The following PLA2G5 variants were observed in gnomAD, a reference collection of about 807,000 sequenced individuals.
The protein encoded by PLA2G5 is phospholipase A2 group V, also known as Ca2+-dependent phospholipase A2.
PLA2G5 carries 12 observed loss-of-function variants against 15.9 expected under a neutral mutation model. The ratio of observed to expected loss-of-function variants is 0.76; its 90% CI spans 0.48 to 1.23. The LOEUF (loss-of-function observed/expected upper bound fraction) is 1.23, where lower values mean the gene tolerates loss of function less well. Ranked by LOEUF, PLA2G5 falls within the 50% of genes most tolerant of loss-of-function variation. The pLI, the probability that PLA2G5 is intolerant of heterozygous loss-of-function variation, is 0.00. For synonymous variants in PLA2G5, 71 were observed against 71.4 expected, an observed-to-expected ratio of 0.99 and a Z score of 0.03; for missense variants, 169 against 177.1, an observed-to-expected ratio of 0.95 and a Z score of 0.26.
At chr1:20,086,389 G>A (rs190933614) in intron 3 of PLA2G5, among the ~76,000 whole-genome samples, 162 bp downstream of exon 3, 1 of 152,314 alleles carries the variant, frequency 6.6e-6, no homozygotes, top group Admixed American at 6.5e-5. Context: ...GATCTCAGTG[G>A]CCTAAGGTGT....
intron 1 of PLA2G5, among the ~76,000 whole-genome samples, chr1:20,037,800 T>C (rs1290009331): frequency 6.6e-6 from 1 of 152,082 alleles, no homozygotes; most frequent in African/African-American, 2.4e-5. Context: ...ATGGGCGGGA[T>C]CATAGAGCTC....
chr1:20,068,451 G>A (rs1049646521), upstream of PLA2G5, among the ~76,000 whole-genome samples: 8 of 133,598 alleles, frequency 6.0e-5, no homozygotes, highest in East Asian at 1.6e-3. Flanking sequence ...AAAAGTGGTA[G>A]TTTTTTTTTT....
At chr1:20,038,957 A>G (rs946943263) in intron 1 of PLA2G5, among the ~76,000 whole-genome samples, 10 of 152,104 alleles carry the variant, frequency 6.6e-5, no homozygotes, top group Non-Finnish European at 1.5e-5. Flanking sequence ...TCCTCTTGGC[A>G]TCAGATCTGA....
At chr1:20,062,517 G>A (rs2014784752) in intron 2 of PLA2G5, among the ~76,000 whole-genome samples, 4 of 152,158 alleles carry the variant, frequency 2.6e-5, no homozygotes. Flanking sequence ...GAGCAGGCTG[G>A]GTGTGGCAGC....
intron 1 of PLA2G5, among the ~76,000 whole-genome samples, chr1:20,078,564 G>A (rs1306855561): frequency 6.6e-6 from 1 of 152,152 alleles, no homozygotes; most frequent in Non-Finnish European, 1.5e-5. Flanking sequence ...CCAGCCACAA[G>A]GGCAGCTCTG....
At chr1:20,044,271 G>A (rs1337810515) in intron 1 of PLA2G5, among the ~76,000 whole-genome samples, 1 of 152,170 alleles carries the variant, frequency 6.6e-6, no homozygotes, top group East Asian at 1.9e-4. Flanking sequence ...TTTTCTCACA[G>A]CAGAGGCAAG....
chr1:20,064,692 G>A (rs779209351), intron 2 of PLA2G5, among the ~76,000 whole-genome samples: 3 of 151,966 alleles, frequency 2.0e-5, no homozygotes, highest in Non-Finnish European at 2.9e-5. Flanking sequence ...CCAGGAGTTC[G>A]AGGCCAGCCT....
intron 1 of PLA2G5, among the ~76,000 whole-genome samples, chr1:20,053,574 G>GA (rs898814667): frequency 7.0e-6 from 1 of 143,230 alleles, no homozygotes; most frequent in East Asian, 2.2e-4. Context: ...ACTTTGCGGG[G>GA]GGGGGGGTGA....
intron 1 of PLA2G5, among the ~76,000 whole-genome samples, chr1:20,030,835 C>T (rs998411917): frequency 1.3e-5 from 2 of 152,212 alleles, no homozygotes; most frequent in Non-Finnish European, 2.9e-5. Flanking sequence ...AGCCCTAAAT[C>T]CATTAAACCT....
intron 1 of PLA2G5, among the ~76,000 whole-genome samples, chr1:20,042,659 G>A (rs2013673692): frequency 6.6e-6 from 1 of 152,098 alleles, no homozygotes. Flanking sequence ...TTTATGTAAT[G>A]GTTTAGTCAG....
chr1:20,038,809 T>G (rs917650149), intron 1 of PLA2G5, among the ~76,000 whole-genome samples: 2 of 152,118 alleles, frequency 1.3e-5, no homozygotes, highest in Admixed American at 1.3e-4. Flanking sequence ...GTAATAATAG[T>G]GGGCAACTAA....
At chr1:20,035,763 C>G (rs975258810) in intron 1 of PLA2G5, among the ~76,000 whole-genome samples, 1 of 152,102 alleles carries the variant, frequency 6.6e-6, no homozygotes, top group Non-Finnish European at 1.5e-5. Flanking sequence ...GTTTGTTGTG[C>G]TAGATGTTGC....
In PLA2G5 at chr1:20,086,159, A is replaced by G; in HGVS notation, c.117A>G (p.Thr39=). 6.2e-7 allele frequency: 1 copy of G among 1,614,140 alleles called. No homozygotes were observed. The highest frequency in any genetic ancestry group is 8.5e-7 in the Non-Finnish European group (1 of 1,180,006). The stretch of plus-strand genomic sequence containing the variant: ...AGGTGACAGGGAAGAACGCCCTGAC[A>G]AACTACGGCTTCTACGGCTGTTACT... The part of the protein sequence containing the change: ...IEKVTGKNAL[T]NYGFYGCYCG... The change falls in exon 3 of 5, where the codon ACA becomes ACG. Residue 39 remains threonine (T), a synonymous_variant. Transcript: ENST00000375108.
intron 2 of PLA2G5, among the ~76,000 whole-genome samples, chr1:20,060,730 T>C (rs1466509127): frequency 8.2e-6 from 1 of 122,574 alleles, no homozygotes; most frequent in Non-Finnish European, 1.6e-5. Context: ...CAAGTCTTTC[T>C]TTCTTTTCTT....
At chr1:20,090,495 A>G (rs1293170189) in intron 4 of PLA2G5, 73 bp from the exon 5 acceptor site, 2 of 1,524,534 alleles carry the variant, frequency 1.3e-6, no homozygotes, top group Middle Eastern at 1.8e-4. Context: ...CGGAGCAGGA[A>G]GTCCATGGGG....
chr1:20,039,670 GGA>G (rs142706440), intron 1 of PLA2G5, among the ~76,000 whole-genome samples: 137 of 148,886 alleles, frequency 9.2e-4, no homozygotes, highest in Middle Eastern at 3.5e-3. Context: ...GAGGGGAAGT[GGA>G]GAGAGAGAGA....
At chr1:20,028,439 A>T (rs924478149) in exon 1 of PLA2G5, 1 of 151,772 alleles carries the variant, frequency 6.6e-6, no homozygotes, top group Admixed American at 6.6e-5. Flanking sequence ...ATGGCGGGGG[A>T]CTTACAAAAT....
intron 3 of PLA2G5, among the ~76,000 whole-genome samples, chr1:20,088,656 T>C (rs376498707): frequency 2.9e-4 from 44 of 152,312 alleles, no homozygotes; most frequent in African/African-American, 1.1e-3. Flanking sequence ...AAACCTTTTA[T>C]ATGCAATCTG....
intron 2 of PLA2G5, among the ~76,000 whole-genome samples, chr1:20,062,774 G>A (rs1162668037): frequency 7.9e-5 from 12 of 152,170 alleles, no homozygotes; most frequent in Non-Finnish European, 1.8e-4. Flanking sequence ...GTGATGGACT[G>A]GATGAATAAA....
Sources: gnomAD v4.1 joint callset for allele counts (sites outside exome capture counted in the v4.1 genomes callset) on GRCh38, gnomAD v4.1.1 for gene constraint, MANE v1.5 for transcripts, NCBI Gene and HGNC (gene_info 2026-07-23, HGNC 2026-07-21) for gene names.